Variants in PIP4K2A observed in about 807,000 individuals in gnomAD.
PIP4K2A encodes the protein phosphatidylinositol-5-phosphate 4-kinase type 2 alpha.
In PIP4K2A, 14 loss-of-function variants were observed where a neutral mutation model predicts 42.9. That is an observed-to-expected ratio of 0.33 (90% CI 0.22 to 0.51). PIP4K2A has a LOEUF of 0.51. Ranked by LOEUF, PIP4K2A falls within the 20% of genes least tolerant of loss-of-function variation. The pLI, the probability that PIP4K2A is intolerant of heterozygous loss-of-function variation, is 0.97. For synonymous variants in PIP4K2A, 192 were observed against 192.2 expected (o/e 1.00, Z 0.01); for missense variants, 434 against 519.8 (o/e 0.83, Z 1.61).
Position 22,573,319 on chromosome 10 carries a change from C to A in PIP4K2A, c.631G>T (p.Asp211Tyr). The A allele has an allele frequency of 1.2e-6, 2 of 1,612,920 alleles. No homozygotes were observed. The highest frequency in any genetic ancestry group is 2.2e-5 in the South Asian group (2 of 90,926). The change falls in exon 5 of 10, where the codon GAC becomes TAC. Residue 211 changes from aspartate (D) to tyrosine (Y), a missense_variant. Around this residue, in one of 2 missense-constraint regions of PIP4K2A, gnomAD observed 395 missense variants for 444.5 expected, o/e 0.89. Coordinates refer to ENST00000376573, the MANE Select transcript of PIP4K2A (RefSeq NM_005028.5). The part of the protein sequence containing the change: ...SHRLSVYRKY[D>Y]LKGSTVAREA... ...CATAAAATCAGTCTCACCTTTAAGT[C>A]GTATTTCCTATACACAGACAAACGG...
At chr10:22,609,597 T>G (rs200577568) in intron 2 of PIP4K2A, 23 bp downstream of exon 2, 1 of 1,339,150 alleles carries the variant, frequency 7.5e-7, no homozygotes, top group African/African-American at 1.4e-5. Context: ...GCTAGTCTTA[T>G]GAAAGGTCAT....
At chr10:22,579,484 G>C (rs1344963871) in intron 4 of PIP4K2A, among the ~76,000 whole-genome samples, 1 of 152,200 alleles carries the variant, frequency 6.6e-6, no homozygotes, top group Non-Finnish European at 1.5e-5. Flanking sequence ...AACAATTAGA[G>C]GACGTCTGCC....
intron 3 of PIP4K2A, among the ~76,000 whole-genome samples, chr10:22,595,261 G>T (rs952839680): frequency 2.0e-5 from 3 of 152,132 alleles, no homozygotes; most frequent in African/African-American, 7.2e-5. Context: ...AAAGAAACTA[G>T]TGTACAATGG....
chr10:22,553,686 T>C (rs1223412786), intron 6 of PIP4K2A, among the ~76,000 whole-genome samples: 1 of 151,684 alleles, frequency 6.6e-6, no homozygotes, highest in Admixed American at 6.6e-5. Context: ...CAGATTCAAA[T>C]AGTGGTGCTT....
At chr10:22,567,972 G>T in intron 5 of PIP4K2A, 83 bp from the exon 6 acceptor site, 1 of 1,234,194 alleles carries the variant, frequency 8.1e-7, no homozygotes, top group Non-Finnish European at 1.2e-6. Flanking sequence ...GGCTCCAGGC[G>T]GAGCAGAGAG....
Position 22,536,995 on chromosome 10 carries a change from G to T in PIP4K2A, c.*206C>A. On this transcript the variant is annotated 3_prime_UTR_variant, in exon 10 of 10. Transcript: ENST00000376573. ...ACACACACACACACATATACACAAA[G>T]TCAGAAATAGCTAGAACGATGCTGG... The T allele has an allele frequency of 2.0e-6, 1 of 512,180 alleles. No individual in the cohort carries two copies. Among genetic ancestry groups the T allele is most frequent in the Admixed American group, 3.5e-5 (1 of 28,174 alleles). 31.7% of individuals were successfully genotyped at this position (512,180 alleles called of 1,614,324 possible).
intron 1 of PIP4K2A, among the ~76,000 whole-genome samples, chr10:22,677,183 C>G (rs1412478551): frequency 6.6e-6 from 1 of 152,238 alleles, no homozygotes; most frequent in East Asian, 1.9e-4. Flanking sequence ...TTGGGCCCAG[C>G]TGGGGTTGAG....
intron 7 of PIP4K2A, among the ~76,000 whole-genome samples, chr10:22,545,091 G>C (rs1033048959): frequency 2.0e-4 from 30 of 152,318 alleles, no homozygotes; most frequent in African/African-American, 7.0e-4. Context: ...CAGAGGGCTC[G>C]GGAAAGTATT....
At chr10:22,617,435 T>C (rs1403782378) in intron 1 of PIP4K2A, among the ~76,000 whole-genome samples, 1 of 152,204 alleles carries the variant, frequency 6.6e-6, no homozygotes, top group Non-Finnish European at 1.5e-5. Context: ...GCAAAGAATA[T>C]GCTCATAAAT....
chr10:22,628,845 T>G (rs1838496838), intron 1 of PIP4K2A, among the ~76,000 whole-genome samples: 1 of 152,210 alleles, frequency 6.6e-6, no homozygotes, highest in Admixed American at 6.5e-5. Flanking sequence ...TAAATGCTTC[T>G]TATCAGACTT....
At chr10:22,693,080 G>A (rs1839906585) in intron 1 of PIP4K2A, among the ~76,000 whole-genome samples, 1 of 152,072 alleles carries the variant, frequency 6.6e-6, no homozygotes, top group Admixed American at 6.6e-5. Flanking sequence ...AATCGATTGG[G>A]GTCATAAGTT....
rs1837943650 is a variant in PIP4K2A at position 22,607,990 on chromosome 10, T to C, written c.276A>G (p.Glu92=). Residue 92 remains glutamate (E), a synonymous_variant, in exon 3 of 10, where the codon GAA becomes GAG. Coordinates refer to ENST00000376573, the MANE Select transcript of PIP4K2A (RefSeq NM_005028.5). ...GGTTACGGAAGACCATCGGGCAGTA[T>C]TCCTTAAACTTGAAATGGCTCGGCA... The part of the protein sequence containing the change: ...ENMPSHFKFK[E]YCPMVFRNLR... The C allele has an allele frequency of 6.2e-7, 1 of 1,612,850 alleles. No individual in the cohort carries two copies. The highest frequency in any genetic ancestry group is 8.5e-7 in the Non-Finnish European group (1 of 1,179,048).
intron 1 of PIP4K2A, among the ~76,000 whole-genome samples, chr10:22,664,077 G>GTATATATATATACA: frequency 2.6e-5 from 1 of 37,746 alleles, no homozygotes; most frequent in Non-Finnish European, 4.5e-5. Context: ...ATATATATAC[G>GTATATATATATACA]TATATATATA....
At chr10:22,558,998 C>T (rs1244528152) in intron 6 of PIP4K2A, among the ~76,000 whole-genome samples, 1 of 152,122 alleles carries the variant, frequency 6.6e-6, no homozygotes, top group Non-Finnish European at 1.5e-5. Context: ...TTTGGTCTTC[C>T]TCCACAAACT....
At chr10:22,669,685 G>T (rs748124360) in intron 1 of PIP4K2A, among the ~76,000 whole-genome samples, 21 of 152,194 alleles carry the variant, frequency 1.4e-4, no homozygotes, top group Non-Finnish European at 2.2e-4. Flanking sequence ...ACGGATGCAG[G>T]ATACAGACGG....
rs1160626491 is a variant in PIP4K2A at position 22,609,714 on chromosome 10, T to G, written c.148A>C (p.Asn50His). Residue 50 changes from asparagine (N) to histidine (H), a missense_variant, in exon 2 of 10, where the codon AAT (asparagine) becomes CAT (histidine). By Grantham distance (68) the Asn-to-His change is moderately conservative. This residue lies in a region of PIP4K2A where 395 missense variants were observed against 444.5 expected (regional missense o/e 0.89). Transcript: ENST00000376573. ...VLMWGVNHSINELSHVQIPVM... is the reference protein window; with the variant it reads ...VLMWGVNHSIHELSHVQIPVM... The stretch of plus-strand genomic sequence containing the variant: ...GGGATTTGAACATGGCTCAGTTCAT[T>G]GATCTGGAAAAATATAAAATAAATA... 1.3e-6 allele frequency: 2 copies of G among 1,583,308 alleles called. No homozygotes were observed. Among genetic ancestry groups the G allele is most frequent in the Non-Finnish European group, 1.7e-6 (2 of 1,154,920 alleles).
At chr10:22,708,279 T>C (rs1833856076) in intron 1 of PIP4K2A, among the ~76,000 whole-genome samples, 1 of 152,188 alleles carries the variant, frequency 6.6e-6, no homozygotes, top group Non-Finnish European at 1.5e-5. Flanking sequence ...CTTGGGAACA[T>C]CTAATTGTGC....
intron 1 of PIP4K2A, among the ~76,000 whole-genome samples, chr10:22,617,778 G>A (rs1419952761): frequency 6.6e-6 from 1 of 152,104 alleles, no homozygotes; most frequent in African/African-American, 2.4e-5. Context: ...GACAGGAGAT[G>A]TCGAGAGTGG....
At chr10:22,630,157 G>T (rs1588674158) in intron 1 of PIP4K2A, among the ~76,000 whole-genome samples, 1 of 132,914 alleles carries the variant, frequency 7.5e-6, no homozygotes, top group African/African-American at 3.2e-5. Context: ...GTGAAACACA[G>T]GGCGACTTCA....
Sources: allele counts gnomAD v4.1 joint callset (sites outside exome capture counted in the v4.1 genomes callset), GRCh38; gene constraint gnomAD v4.1.1; regional missense constraint gnomAD v4.1.1; transcripts MANE v1.5; gene names NCBI Gene and HGNC (gene_info 2026-07-23, HGNC 2026-07-21).